MTHFS: variants seen among roughly 807,000 people sequenced by gnomAD.
MTHFS encodes 5-formyltetrahydrofolate cyclo-ligase.
A neutral mutation model predicts 12.7 loss-of-function variants in MTHFS; 7 were observed. The ratio of observed to expected loss-of-function variants is 0.55; its 90% CI spans 0.31 to 1.03. The LOEUF (loss-of-function observed/expected upper bound fraction) is 1.03, where lower values mean the gene tolerates loss of function less well. Among genes scored for constraint, MTHFS ranks in the 50% least tolerant of loss-of-function variants. MTHFS has a pLI of 0.05. For missense variants in MTHFS, 252 were observed against 258.1 expected, an observed-to-expected ratio of 0.98 and a Z score of 0.16; for synonymous variants, 100 against 97.1, an observed-to-expected ratio of 1.03 and a Z score of -0.18.
intron 1 of MTHFS, among the ~76,000 whole-genome samples, chr15:79,892,766 C>A (rs970653249): frequency 2.6e-5 from 4 of 151,486 alleles, no homozygotes; most frequent in Non-Finnish European, 4.4e-5. Flanking sequence ...TCCTGGCCAA[C>A]GTGGTGAAAC....
chr15:79,881,604 G>C (rs1046836115), intron 2 of MTHFS, among the ~76,000 whole-genome samples: 2 of 151,556 alleles, frequency 1.3e-5, no homozygotes, highest in Non-Finnish European at 2.9e-5. Flanking sequence ...TTAACTTTGA[G>C]ACCAGAGTAC....
At chr15:79,849,775 T>C (rs2033679926) in intron 2 of MTHFS, among the ~76,000 whole-genome samples, 1 of 152,274 alleles carries the variant, frequency 6.6e-6, no homozygotes, top group African/African-American at 2.4e-5. Flanking sequence ...GCTCTCTAGA[T>C]GTCATAAGAT....
At chr15:79,880,174 A>C (rs937860152) in intron 2 of MTHFS, among the ~76,000 whole-genome samples, 19 of 152,052 alleles carry the variant, frequency 1.2e-4, no homozygotes, top group African/African-American at 4.6e-4. Context: ...GGTTCACACC[A>C]TTCTCCTGCC....
intron 2 of MTHFS, among the ~76,000 whole-genome samples, chr15:79,863,280 G>A (rs944241389): frequency 6.6e-6 from 1 of 152,104 alleles, no homozygotes; most frequent in Non-Finnish European, 1.5e-5. Flanking sequence ...TGTCCCTTGG[G>A]ACAGCCTGTC....
At chr15:79,872,655 A>G (rs1241807489) in intron 2 of MTHFS, among the ~76,000 whole-genome samples, 1 of 152,230 alleles carries the variant, frequency 6.6e-6, no homozygotes, top group Non-Finnish European at 1.5e-5. Context: ...AGAACTTTCT[A>G]CAAAAGGATC....
rs370708419 is a variant in MTHFS at position 79,896,445 on chromosome 15, T to A, written c.117+427A>T. ...AACCGGAGTCTTACTCGTAGCTCAT[T>A]AACTTTAGGCCTCACTGAGGGAACC... On this transcript the variant is annotated intron_variant, in intron 1 of 2. Coordinates refer to ENST00000258874, the MANE Select transcript of MTHFS (RefSeq NM_006441.4). Among the ~76,000 whole-genome samples, 111 of 152,304 alleles carry A rather than the reference T, an allele frequency of 7.3e-4. 3 individuals are homozygous for A. The South Asian group carries it at 0.023, about 31-fold the overall frequency.
intron 2 of MTHFS, among the ~76,000 whole-genome samples, chr15:79,851,372 T>C (rs1206937642): frequency 6.6e-6 from 1 of 152,138 alleles, no homozygotes; most frequent in East Asian, 1.9e-4. Flanking sequence ...AAAAAAAGAA[T>C]GACAGTGAAG....
chr15:79,867,549 T>C lies in MTHFS; in HGVS notation c.379+21544A>G, dbSNP rs188679409. ...TTGTTATAACTATCAAATTCTGAAATATTTCCAAACATTTTTAAACGTAGA... is the reference window on the plus strand; with the variant it reads ...TTGTTATAACTATCAAATTCTGAAACATTTCCAAACATTTTTAAACGTAGA... On this transcript the variant is annotated intron_variant, in intron 2 of 2. Coordinates refer to ENST00000258874, the MANE Select transcript of MTHFS (RefSeq NM_006441.4). Among the ~76,000 whole-genome samples, 249 of 151,520 alleles carry C rather than the reference T, an allele frequency of 1.6e-3. 1 individual carries two copies. The highest frequency in any genetic ancestry group is 0.014 in the Middle Eastern group (4 of 294).
intron 2 of MTHFS, among the ~76,000 whole-genome samples, chr15:79,866,521 G>A (rs2034013588): frequency 6.6e-6 from 1 of 152,190 alleles, no homozygotes; most frequent in African/African-American, 2.4e-5. Flanking sequence ...ACAGTAGGAT[G>A]ACAGCCAAGC....
chr15:79,896,766 C>T (rs1470460758), intron 1 of MTHFS, 106 bp downstream of exon 1: 27 of 1,372,204 alleles, frequency 2.0e-5, no homozygotes, highest in Non-Finnish European at 2.4e-5. Flanking sequence ...GGTGGGGGGG[C>T]GCCTAGCCCA....
chr15:79,854,632 A>G (rs2033769721), intron 2 of MTHFS, among the ~76,000 whole-genome samples: 1 of 152,226 alleles, frequency 6.6e-6, no homozygotes, highest in Non-Finnish European at 1.5e-5. Context: ...TTTATGTCTT[A>G]TCTTTATAAG....
intron 2 of MTHFS, among the ~76,000 whole-genome samples, chr15:79,862,839 C>T (rs1385194127): frequency 6.6e-6 from 1 of 152,192 alleles, no homozygotes. Context: ...CTTGGTCCAT[C>T]TACATTTGCC....
chr15:79,855,823 C>A (rs1030734577), intron 2 of MTHFS, among the ~76,000 whole-genome samples: 3 of 152,252 alleles, frequency 2.0e-5, no homozygotes, highest in South Asian at 2.1e-4. Context: ...CAGCTCCAAC[C>A]ATGTTGCCGC....
intron 2 of MTHFS, among the ~76,000 whole-genome samples, chr15:79,848,617 C>T (rs575872529): frequency 2.6e-5 from 4 of 152,162 alleles, no homozygotes; most frequent in Non-Finnish European, 4.4e-5. Flanking sequence ...TTTGGAACAT[C>T]CACATTTAGG....
chr15:79,847,852 C>T (rs986066448), intron 2 of MTHFS, among the ~76,000 whole-genome samples: 1 of 152,102 alleles, frequency 6.6e-6, no homozygotes, highest in Non-Finnish European at 1.5e-5. Context: ...TAGAAAACCA[C>T]AAATGTTGGC....
intron 2 of MTHFS, among the ~76,000 whole-genome samples, chr15:79,882,138 C>T (rs1202324787): frequency 6.6e-6 from 1 of 152,152 alleles, no homozygotes; most frequent in East Asian, 1.9e-4. Context: ...TTTTGTTAAG[C>T]TAAAGAAACA....
Position 79,886,243 on chromosome 15 carries a change from T to C in MTHFS, c.379+2850A>G, listed in dbSNP as rs75867406. 8.4e-3 allele frequency among the ~76,000 whole-genome samples: 1,274 copies of C among 152,312 alleles called. 25 individuals are homozygous for C. Among genetic ancestry groups the C allele is most frequent in the African/African-American group, 0.029 (1,195 of 41,570 alleles). ...AACGACAGCCTGAGCTCTGATCAGC[T>C]TGTCCCAAACACTGTAAAGCTAGAT... On this transcript the variant is annotated intron_variant, in intron 2 of 2. Transcript: ENST00000258874.
intron 2 of MTHFS, among the ~76,000 whole-genome samples, chr15:79,859,931 A>G (rs527999447): frequency 6.6e-6 from 1 of 152,156 alleles, no homozygotes; most frequent in Non-Finnish European, 1.5e-5. Context: ...ATACTAAGAT[A>G]AAATGATGAT....
chr15:79,886,526 T>C (rs898843655), intron 2 of MTHFS, among the ~76,000 whole-genome samples: 1 of 151,750 alleles, frequency 6.6e-6, no homozygotes, highest in Non-Finnish European at 1.5e-5. Context: ...GTACTACAAA[T>C]ATAGCATAAA....
Sources: gnomAD v4.1 joint callset for allele counts (sites outside exome capture counted in the v4.1 genomes callset) on GRCh38, gnomAD v4.1.1 for gene constraint, MANE v1.5 for transcripts, NCBI Gene and HGNC (gene_info 2026-07-23, HGNC 2026-07-21) for gene names.